XRCC3: variants seen among roughly 807,000 people sequenced by gnomAD.
XRCC3 encodes the protein X-ray repair cross complementing 3.
XRCC3 carries 34 observed loss-of-function variants against 29.2 expected under a neutral mutation model. The ratio of observed to expected loss-of-function variants is 1.16; its 90% CI spans 0.88 to 1.55. The LOEUF (loss-of-function observed/expected upper bound fraction) is 1.55, where lower values mean the gene tolerates loss of function less well. Ranked by LOEUF, XRCC3 falls within the 40% of genes most tolerant of loss-of-function variation. The probability of loss-of-function intolerance (pLI) is 0.00; values close to 1 mark genes in which losing one functional copy is unlikely to be tolerated. For synonymous variants in XRCC3, 223 were observed against 211.3 expected, an observed-to-expected ratio of 1.06 and a Z score of -0.48; for missense variants, 463 against 467.6, an observed-to-expected ratio of 0.99 and a Z score of 0.09.
chr14:103,705,794 T>C (rs540114718), intron 6 of XRCC3: 121 of 155,092 alleles, frequency 7.8e-4, no homozygotes, highest in Non-Finnish European at 1.4e-3. Flanking sequence ...TGAGGGGGAG[T>C]CATTGCACAA....
Position 103,699,546 on chromosome 14 carries a change from CCTT to C in XRCC3, c.589_591del (p.Lys197del), listed in dbSNP as rs1448987172. ...ATGCCCCGAGACAGCAGTACGGGGA[CCTT>C]CTTATTCACACACTCCAACAAGGTG... On this transcript the variant is annotated inframe_deletion, in exon 8 of 10. Coordinates refer to ENST00000555055, the MANE Select transcript of XRCC3 (RefSeq NM_005432.4). The C allele has an allele frequency of 5.6e-6, 9 of 1,613,364 alleles. No homozygotes were observed. Among genetic ancestry groups the C allele is most frequent in the African/African-American group, 1.3e-5 (1 of 74,848 alleles).
chr14:103,699,026 C>T lies in XRCC3; in HGVS notation c.822-9G>A, dbSNP rs2082844158. 37 of 1,578,132 alleles carry T rather than the reference C, an allele frequency of 2.3e-5. No individual in the cohort carries two copies. Among genetic ancestry groups the T allele is most frequent in the African/African-American group, 4.1e-5 (3 of 73,862 alleles). Reference sequence around the variant, plus strand: ...CACGTTCGTCCCAGAACCTGAGAAACAGGAAGCAGGCAAGCTGGCGCTCAG... The same window carrying T: ...CACGTTCGTCCCAGAACCTGAGAAATAGGAAGCAGGCAAGCTGGCGCTCAG... On this transcript the variant is annotated splice_polypyrimidine_tract_variant and intron_variant, in intron 9 of 9. Transcript: ENST00000555055.
At chr14:103,700,894 G>A (rs1022027588) in intron 7 of XRCC3, among the ~76,000 whole-genome samples, 2 of 152,180 alleles carry the variant, frequency 1.3e-5, no homozygotes, top group South Asian at 2.1e-4. Flanking sequence ...CCTCATGCAA[G>A]CCCAAGGGCC....
intron 5 of XRCC3, 22 bp downstream of exon 5, chr14:103,708,500 A>C: frequency 1.2e-6 from 2 of 1,613,280 alleles, no homozygotes; most frequent in Non-Finnish European, 1.7e-6. Flanking sequence ...CACCCCTGGC[A>C]GAGATGCCAG....
chr14:103,700,710 G>C (rs771548345), intron 7 of XRCC3: 2 of 1,602,816 alleles, frequency 1.2e-6, no homozygotes, highest in South Asian at 2.2e-5. Flanking sequence ...CAGTGGCCTG[G>C]AAGACGCCAC....
At position 103,698,695 on chromosome 14, in the gene XRCC3, C is replaced by A. The variant is rs894669594; in HGVS notation, c.*103G>T. 11 of 1,091,896 alleles carry A rather than the reference C, an allele frequency of 1.0e-5. No individual in the cohort carries two copies. Among genetic ancestry groups the A allele is most frequent in the Non-Finnish European group, 1.5e-5 (11 of 734,930 alleles). 67.6% of individuals were successfully genotyped at this position (1,091,896 alleles called of 1,614,324 possible). ...CTGCCCTGGAAGAGCTGTGTCTGAA[C>A]CAGGCTCCCAGCTGTGCCACGGCCC... On this transcript the variant is annotated 3_prime_UTR_variant, in exon 10 of 10. Transcript: ENST00000555055.
chr14:103,699,643 T>C lies in XRCC3; in HGVS notation c.562-67A>G, dbSNP rs547210605. ...CCCGCCCCAGGTGACCAGACCCCGT[T>C]TGGACTGTCACTCGACCGTCTGAAA... is the stretch of plus-strand genomic sequence containing the variant. On this transcript the variant is annotated intron_variant, in intron 7 of 9. Transcript: ENST00000555055. 10 of 1,532,046 alleles carry C rather than the reference T, an allele frequency of 6.5e-6. No individual in the cohort carries two copies. The South Asian group carries it at 6.8e-5, about 10-fold the overall frequency. The allele number at this position is 1,532,046 out of a possible 1,614,324, so 94.9% of individuals were successfully genotyped here. A position where few individuals can be genotyped will look rare whatever the true frequency, so the allele number is the denominator to read the frequency against.
intron 7 of XRCC3, chr14:103,700,634 T>G (rs919723881): frequency 6.3e-7 from 1 of 1,598,314 alleles, no homozygotes. Flanking sequence ...TGAGTGAAAC[T>G]CGTCTGTGCT....
At chr14:103,707,797 C>T (rs891067860) in intron 5 of XRCC3, 7 of 194,840 alleles carry the variant, frequency 3.6e-5, no homozygotes, top group African/African-American at 1.2e-4. Flanking sequence ...GCGGTGCAGG[C>T]TGCGCTCTTG....
In XRCC3 at chr14:103,706,412, A is replaced by G. The variant is rs745964000; in HGVS notation, c.406+591T>C. On this transcript the variant is annotated intron_variant, in intron 6 of 9. Transcript: ENST00000555055. The stretch of plus-strand genomic sequence containing the variant: ...GAGTTTAAGACAACGTGGGAATCGC[A>G]TGTTGACACCAGGGAATTAGTTTAA... The G allele has an allele frequency of 2.6e-5, 12 of 456,102 alleles. No individual in the cohort carries two copies. The Middle Eastern group carries it at 1.6e-3, about 62-fold the overall frequency. 28.3% of individuals were successfully genotyped at this position (456,102 alleles called of 1,614,324 possible).
rs1360602468 is a variant in XRCC3 at position 103,698,904 on chromosome 14, G to C, written c.935C>G (p.Ala312Gly). 1 of 1,602,020 alleles carries C rather than the reference G, an allele frequency of 6.2e-7. No individual in the cohort carries two copies. The highest frequency in any genetic ancestry group is 1.3e-5 in the African/African-American group (1 of 74,754). The change falls in exon 10 of 10, where the codon GCC becomes GGC. Residue 312 changes from alanine to glycine, a missense_variant. Transcript: ENST00000555055. ...REEEAALGCPARTLRVLSAPH... is the reference protein window; with the variant it reads ...REEEAALGCPGRTLRVLSAPH... Reference sequence around the variant, plus strand: ...GGCAGAGAGCACCCGCAGGGTCCGGGCTGGGCAGCCGAGGGCAGCCTCTTC... The same window carrying C: ...GGCAGAGAGCACCCGCAGGGTCCGGCCTGGGCAGCCGAGGGCAGCCTCTTC...
Position 103,698,856 on chromosome 14 carries a change from C to T in XRCC3, c.983G>A (p.Cys328Tyr). The T allele has an allele frequency of 6.2e-7, 1 of 1,607,694 alleles. No homozygotes were observed. The highest frequency in any genetic ancestry group is 8.5e-7 in the Non-Finnish European group (1 of 1,177,670). Residue 328 changes from cysteine (C) to tyrosine (Y), a missense_variant, in exon 10 of 10, where the codon TGT becomes TAT. Physicochemically the swap from Cys to Tyr is radical, Grantham distance 194. Coordinates refer to ENST00000555055, the MANE Select transcript of XRCC3 (RefSeq NM_005432.4). The part of the protein sequence containing the change: ...LSAPHLPPSS[C>Y]SYTISAEGVR... ...CCCTTCGGCACTGATCGTGTAGGAA[C>T]AGGAGGAGGGGGGCAGGTGGGGGGC...
chr14:103,703,647 TCC>T (rs34665573), intron 6 of XRCC3: 17 of 398,142 alleles, frequency 4.3e-5, no homozygotes, highest in South Asian at 1.3e-4. Flanking sequence ...TGCCCCTCCT[TCC>T]CCCTGTGAAC....
intron 7 of XRCC3, chr14:103,702,929 G>T: frequency 3.4e-6 from 2 of 582,616 alleles, no homozygotes; most frequent in Non-Finnish European, 6.0e-6. Context: ...CACACCTTCA[G>T]CAAGGGTCCT....
intron 5 of XRCC3, chr14:103,708,037 A>G: frequency 4.1e-6 from 1 of 243,440 alleles, no homozygotes; most frequent in Non-Finnish European, 8.2e-6. Context: ...GGCCCTGCTC[A>G]TGCCAGGACC....
chr14:103,705,388 C>G (rs139208214), intron 6 of XRCC3: 10 of 152,524 alleles, frequency 6.6e-5, no homozygotes, highest in African/African-American at 2.2e-4. Flanking sequence ...GTCATGGGGA[C>G]ATCGTGAAGC....
At chr14:103,706,556 A>G in intron 6 of XRCC3, 1 of 382,026 alleles carries the variant, frequency 2.6e-6, no homozygotes, top group Non-Finnish European at 5.2e-6. Context: ...AGTCCAATGC[A>G]GGGAACCCTC....
At chr14:103,706,871 G>T in intron 6 of XRCC3, 132 bp downstream of exon 6, 1 of 1,047,878 alleles carries the variant, frequency 9.5e-7, no homozygotes. Flanking sequence ...GGCAATCAGG[G>T]TGAGAAGGAG....
chr14:103,699,671 C>T, intron 7 of XRCC3, 95 bp from the exon 8 acceptor site: 1 of 1,257,120 alleles, frequency 8.0e-7, no homozygotes, highest in Non-Finnish European at 1.1e-6. Context: ...GTCTGAAAAC[C>T]TTCCTACCCA....
Sources: gnomAD v4.1 joint callset for allele counts (sites outside exome capture counted in the v4.1 genomes callset) on GRCh38, gnomAD v4.1.1 for gene constraint, MANE v1.5 for transcripts, NCBI Gene and HGNC (gene_info 2026-07-23, HGNC 2026-07-21) for gene names.